Variants in PCDH15 observed in about 807,000 individuals in gnomAD.
PCDH15 encodes the protein protocadherin-15.
PCDH15 carries 129 observed loss-of-function variants against 178.5 expected under a neutral mutation model. That is an observed-to-expected ratio of 0.72 (90% confidence interval 0.63 to 0.84). PCDH15 has a LOEUF of 0.84. PCDH15 is among the 40% of genes least tolerant of loss of function. PCDH15 has a pLI of 0.00. For missense variants in PCDH15, 2,230 were observed against 2,099.9 expected (o/e 1.06, Z -1.21); for synonymous variants, 800 against 732.0 (o/e 1.09, Z -1.50).
chr10:54,884,934 T>C (rs540051927), intron 3 of PCDH15, among the ~76,000 whole-genome samples: 1 of 151,844 alleles, frequency 6.6e-6, no homozygotes, highest in Admixed American at 6.6e-5. Context: ...TGTGATTTTA[T>C]GTAAAATATC....
chr10:54,224,709 C>T (rs7076071), intron 9 of PCDH15, among the ~76,000 whole-genome samples: 114,683 of 151,984 alleles, frequency 0.75, 44,565 homozygotes, highest in African/African-American at 0.86. Context: ...TAGGTTCAAA[C>T]ATATATTAGA....
At chr10:55,284,983 G>A (rs1343532490) in intron 1 of PCDH15, among the ~76,000 whole-genome samples, 1 of 151,722 alleles carries the variant, frequency 6.6e-6, no homozygotes, top group African/African-American at 2.4e-5. Flanking sequence ...GAAGAAAAAA[G>A]TAGGGGAAGT....
At chr10:54,336,222 A>G (rs1472736046) in intron 6 of PCDH15, among the ~76,000 whole-genome samples, 1 of 152,158 alleles carries the variant, frequency 6.6e-6, no homozygotes, top group Non-Finnish European at 1.5e-5. Flanking sequence ...AATTCAGAAA[A>G]TTTGCAGCCT....
chr10:53,988,183 C>T (rs1247801229), intron 21 of PCDH15, among the ~76,000 whole-genome samples: 1 of 152,164 alleles, frequency 6.6e-6, no homozygotes, highest in African/African-American at 2.4e-5. Flanking sequence ...CACGGAGTTG[C>T]TGATCTGTGT....
intron 2 of PCDH15, among the ~76,000 whole-genome samples, chr10:55,069,282 A>AT (rs147802362): frequency 2.2e-4 from 31 of 142,076 alleles, no homozygotes; most frequent in Admixed American, 3.5e-4. Flanking sequence ...TAAAATAACA[A>AT]TTTTTTTTTT....
At chr10:54,817,075 G>A (rs1204530048) in intron 3 of PCDH15, among the ~76,000 whole-genome samples, 2 of 151,980 alleles carry the variant, frequency 1.3e-5, no homozygotes, top group Admixed American at 1.3e-4. Flanking sequence ...CCAGGACCAA[G>A]TTTTGTTGTG....
At chr10:54,472,270 C>T (rs1589593315) in intron 3 of PCDH15, among the ~76,000 whole-genome samples, 1 of 146,080 alleles carries the variant, frequency 6.8e-6, no homozygotes, top group African/African-American at 2.6e-5. Flanking sequence ...TATTTGGTTG[C>T]TGTTCCAAAT....
intron 2 of PCDH15, among the ~76,000 whole-genome samples, chr10:54,993,083 G>A (rs1839543550): frequency 6.6e-6 from 1 of 152,064 alleles, no homozygotes; most frequent in African/African-American, 2.4e-5. Context: ...GGCTTAGCAT[G>A]GTGTACAGAC....
chr10:54,693,675 C>T (rs2095169493), intron 1 of PCDH15, among the ~76,000 whole-genome samples: 1 of 152,060 alleles, frequency 6.6e-6, no homozygotes, highest in South Asian at 2.1e-4. Context: ...AGAAGAAATG[C>T]TTTCAGATGA....
chr10:55,481,479 A>C (rs956404480), intron 2 of PCDH15, among the ~76,000 whole-genome samples: 2 of 151,708 alleles, frequency 1.3e-5, no homozygotes, highest in East Asian at 3.9e-4. Flanking sequence ...TTAGTGCTAT[A>C]AATTTCCCTC....
intron 2 of PCDH15, among the ~76,000 whole-genome samples, chr10:55,576,185 T>C (rs1842494256): frequency 6.6e-6 from 1 of 152,206 alleles, no homozygotes; most frequent in South Asian, 2.1e-4. Flanking sequence ...GGTGATAACA[T>C]AGTGAATTAA....
intron 1 of PCDH15, among the ~76,000 whole-genome samples, chr10:54,792,120 A>T (rs1537853): frequency 1 from 151,375 of 151,954 alleles, 75,403 homozygotes; most frequent in Middle Eastern, 1. Flanking sequence ...AGGGCTCCAA[A>T]ATGGACTGGA....
chr10:54,732,890 G>C (rs922904234), intron 1 of PCDH15, among the ~76,000 whole-genome samples: 1 of 151,484 alleles, frequency 6.6e-6, no homozygotes, highest in African/African-American at 2.4e-5. Flanking sequence ...ATCAGAAATT[G>C]AGTCTACATA....
intron 2 of PCDH15, among the ~76,000 whole-genome samples, chr10:55,078,066 T>C (rs1164395277): frequency 6.6e-6 from 1 of 152,160 alleles, no homozygotes; most frequent in Non-Finnish European, 1.5e-5. Context: ...TATTTTTCAT[T>C]TATGAAGGAT....
At chr10:54,726,577 G>C (rs1942568515) in intron 1 of PCDH15, among the ~76,000 whole-genome samples, 1 of 151,114 alleles carries the variant, frequency 6.6e-6, no homozygotes, top group African/African-American at 2.4e-5. Flanking sequence ...GAGAGATATG[G>C]AATTCAGAAC....
In PCDH15 at chr10:54,815,562, A is replaced by G. The variant is rs371782783; in HGVS notation, c.-29+81888T>C. On this transcript the variant is annotated intron_variant, in intron 3 of 5. Transcript: ENST00000458638. ...CATCAGCAGTTCATCTCTCCAGTAA[A>G]TTGCATATCACAGTAAAAAGTAATC... Among the ~76,000 whole-genome samples the G allele has an allele frequency of 3.3e-5, 5 of 152,014 alleles. No homozygotes were observed. The East Asian group carries it at 7.7e-4, about 23-fold the overall frequency.
chr10:55,430,992 G>T (rs1025570685), intron 2 of PCDH15, among the ~76,000 whole-genome samples: 1 of 152,102 alleles, frequency 6.6e-6, no homozygotes, highest in East Asian at 1.9e-4. Flanking sequence ...GGCATCACTG[G>T]CTGGAATTTA....
rs569039216 is a variant in PCDH15, at chr10:54,640,425, T to C, written c.91+23747A>G. 4.9e-4 allele frequency among the ~76,000 whole-genome samples: 74 copies of C among 152,188 alleles called. 1 individual carries two copies. Among genetic ancestry groups the C allele is most frequent in the African/African-American group, 1.7e-3 (70 of 41,556 alleles). ...CTTTAATACTTTTCTATTTGTTAAA[T>C]ATAGCTTAGTAAAATAAATGAACTA... On this transcript the variant is annotated intron_variant, in intron 2 of 37. Coordinates refer to ENST00000644397, the MANE Select transcript of PCDH15 (RefSeq NM_001384140.1).
At chr10:55,439,076 T>C (rs1839117516) in intron 2 of PCDH15, among the ~76,000 whole-genome samples, 1 of 152,026 alleles carries the variant, frequency 6.6e-6, no homozygotes, top group Admixed American at 6.6e-5. Flanking sequence ...TTTTTGTTTT[T>C]GTATTTTTAG....
Sources: allele counts gnomAD v4.1 joint callset (sites outside exome capture counted in the v4.1 genomes callset), GRCh38; gene constraint gnomAD v4.1.1; transcripts MANE v1.5; gene names NCBI Gene and HGNC (gene_info 2026-07-23, HGNC 2026-07-21).